The following IARS2 variants were observed in gnomAD, a reference collection of about 807,000 sequenced individuals.
The protein encoded by IARS2 is isoleucyl-tRNA synthetase 2, mitochondrial, also known as isoleucine--tRNA ligase, mitochondrial.
In IARS2, 56 loss-of-function variants were observed where a neutral mutation model predicts 126.3. The observed-to-expected ratio is 0.44, with a 90% CI of 0.36 to 0.55. IARS2 has a LOEUF of 0.55. Among genes scored for constraint, IARS2 ranks in the 20% least tolerant of loss-of-function variants. The pLI is 0.00. For missense variants in IARS2, 1,127 were observed against 1,245.9 expected (o/e 0.90, Z 1.44); for synonymous variants, 407 against 441.1 (o/e 0.92, Z 0.97).
In IARS2 at chr1:220,102,686, G is replaced by A; in HGVS notation, c.860-1G>A. On this transcript the variant is annotated splice_acceptor_variant, in intron 6 of 22. Transcript: ENST00000366922. LOFTEE classifies it high-confidence loss of function. Reference sequence around the variant, plus strand: ...ACATATTTACAATTGTATTTTCACAGATGGTTCATCTCCTGTTAGTATTTT... The same window carrying A: ...ACATATTTACAATTGTATTTTCACAAATGGTTCATCTCCTGTTAGTATTTT... The A allele has an allele frequency of 6.2e-7, 1 of 1,609,226 alleles. No homozygotes were observed. The highest frequency in any genetic ancestry group is 8.5e-7 in the Non-Finnish European group (1 of 1,175,586).
rs201605615 is a variant in IARS2, at chr1:220,141,772, G to A, written c.2415-31G>A. ...AGGTGACCATAATGTATAAAGTATT[G>A]TCAACTGCTGAATAAGTTGTTCTTG... is the stretch of plus-strand genomic sequence containing the variant. On this transcript the variant is annotated intron_variant, in intron 19 of 22. Coordinates refer to ENST00000366922, the MANE Select transcript of IARS2 (RefSeq NM_018060.4). 6.8e-5 allele frequency: 109 copies of A among 1,610,406 alleles called. No individual in the cohort carries two copies. In the African/African-American group the frequency reaches 1.2e-3, roughly 18 times the overall value.
intron 21 of IARS2, among the ~76,000 whole-genome samples, chr1:220,145,127 AC>A (rs1187404265): frequency 1.3e-5 from 2 of 150,792 alleles, no homozygotes; most frequent in African/African-American, 4.9e-5. Context: ...CCTGGGCTTG[AC>A]CTGCAGTTCC....
intron 19 of IARS2, among the ~76,000 whole-genome samples, chr1:220,141,193 A>T (rs1657485855): frequency 6.6e-6 from 1 of 152,254 alleles, no homozygotes; most frequent in African/African-American, 2.4e-5. Context: ...TCAAAAAATC[A>T]TCACTACTAA....
chr1:220,115,242 A>G (rs1266031401), intron 12 of IARS2, among the ~76,000 whole-genome samples: 1 of 152,132 alleles, frequency 6.6e-6, no homozygotes. Flanking sequence ...CTCATTCTTA[A>G]GCTTTATTAA....
In IARS2 at chr1:220,139,068, T is replaced by A; in HGVS notation, c.2236T>A (p.Ser746Thr). 6.2e-7 allele frequency: 1 copy of A among 1,613,114 alleles called. No homozygotes were observed. Among genetic ancestry groups the A allele is most frequent in the Non-Finnish European group, 8.5e-7 (1 of 1,179,122 alleles). ...GGCTGATTTCAACCCAGAAACAGAT[T>A]CCATCCCTGTAAACGATATGTATGT... ...NVADFNPETD[S>T]IPVNDMYVID... The change falls in exon 18 of 23, where the codon TCC becomes ACC. Residue 746 changes from serine (S) to threonine (T), a missense_variant. Ser to Thr is a moderately conservative substitution (Grantham distance 58). Transcript: ENST00000366922.
intron 15 of IARS2, 200 bp downstream of exon 15, chr1:220,134,710 A>C: frequency 2.7e-6 from 1 of 375,822 alleles, no homozygotes. Flanking sequence ...CTCTTTGAAG[A>C]AAAAGTCAGC....
chr1:220,146,032 T>C (rs1014185531), intron 22 of IARS2, among the ~76,000 whole-genome samples: 3 of 152,236 alleles, frequency 2.0e-5, no homozygotes, highest in Admixed American at 6.5e-5. Flanking sequence ...GTATTGATTC[T>C]AAAATTTCCT....
At position 220,131,606 on chromosome 1, in the gene IARS2, C is replaced by A. The variant is rs373079226; in HGVS notation, c.1838-2796C>A. ...ACCTCAGGCGATCTGTCCGCCTAAG[C>A]CTCCCAAAGTGCTGGGATTACAGGC... On this transcript the variant is annotated intron_variant, in intron 14 of 22. Coordinates refer to ENST00000366922, the MANE Select transcript of IARS2 (RefSeq NM_018060.4). Among the ~76,000 whole-genome samples, 96 of 152,190 alleles carry A rather than the reference C, an allele frequency of 6.3e-4. 1 individual carries two copies. The East Asian group carries it at 0.014, about 22-fold the overall frequency.
intron 21 of IARS2, chr1:220,143,381 G>T: frequency 3.6e-6 from 1 of 278,396 alleles, no homozygotes; most frequent in Non-Finnish European, 6.7e-6. Context: ...TAGAAATTAG[G>T]GTTTCCGTCT....
intron 10 of IARS2, 78 bp downstream of exon 10, chr1:220,107,229 C>T (rs1656700101): frequency 1.2e-6 from 1 of 861,412 alleles, no homozygotes; most frequent in Non-Finnish European, 1.9e-6. Flanking sequence ...TATTTTCCCT[C>T]CTTATACTTT....
Position 220,125,237 on chromosome 1 carries a change from C to T in IARS2, c.1641C>T (p.Ser547=), listed in dbSNP as rs1335121057. ...HKTKDEYLIN[S]QTTEHIVKLV... ...TTCTGCCATGTCCCCCCTGAAATAG[C>T]CAAACCACTGAGCATATTGTTAAAC... Residue 547 remains serine, a splice_region_variant and synonymous_variant, in exon 13 of 23, where the codon AGC becomes AGT. Coordinates refer to ENST00000366922, the MANE Select transcript of IARS2 (RefSeq NM_018060.4). The T allele has an allele frequency of 6.3e-7, 1 of 1,599,012 alleles. No individual in the cohort carries two copies. Among genetic ancestry groups the T allele is most frequent in the African/African-American group, 1.3e-5 (1 of 74,794 alleles).
intron 14 of IARS2, among the ~76,000 whole-genome samples, chr1:220,132,369 C>T (rs538984482): frequency 6.6e-6 from 1 of 152,178 alleles, no homozygotes; most frequent in South Asian, 2.1e-4. Flanking sequence ...CCTTACTGTT[C>T]TATTTCTTCC....
In IARS2 at chr1:220,145,755, A is replaced by G. The variant is rs376479413; in HGVS notation, c.2896+102A>G. 26 of 863,716 alleles carry G rather than the reference A, an allele frequency of 3.0e-5. No individual in the cohort carries two copies. In the South Asian group the frequency reaches 5.8e-4, roughly 19 times the overall value. The allele number at this position is 863,716 out of a possible 1,614,324, so 53.5% of individuals were successfully genotyped here. A position where few individuals can be genotyped will look rare whatever the true frequency, so the allele number is the denominator to read the frequency against. On this transcript the variant is annotated intron_variant, in intron 22 of 22. Coordinates refer to ENST00000366922, the MANE Select transcript of IARS2 (RefSeq NM_018060.4). Reference sequence around the variant, plus strand: ...CTGGGTTTATTCTAAAGGTAGATATATACTTGGAATACATCTTTCTATGGA... The same window carrying G: ...CTGGGTTTATTCTAAAGGTAGATATGTACTTGGAATACATCTTTCTATGGA...
intron 14 of IARS2, among the ~76,000 whole-genome samples, chr1:220,131,766 A>G (rs542699586): frequency 2.9e-4 from 44 of 150,370 alleles, no homozygotes; most frequent in Middle Eastern, 3.6e-3. Context: ...GATTACAGGC[A>G]TGAGCCACGA....
At chr1:220,126,390 C>T (rs1377200744) in intron 13 of IARS2, among the ~76,000 whole-genome samples, 5 of 152,146 alleles carry the variant, frequency 3.3e-5, no homozygotes, top group Non-Finnish European at 7.4e-5. Context: ...GTTGACTAAG[C>T]TCATGTAATT....
chr1:220,143,879 A>G (rs958536508), intron 21 of IARS2: 2 of 696,018 alleles, frequency 2.9e-6, no homozygotes, highest in South Asian at 1.8e-5. Flanking sequence ...TCCAGTCTAA[A>G]TGCTTAAGAA....
At chr1:220,139,768 T>C (rs1049263905) in intron 18 of IARS2, among the ~76,000 whole-genome samples, 6 of 152,004 alleles carry the variant, frequency 3.9e-5, no homozygotes, top group Non-Finnish European at 5.9e-5. Context: ...AAAAATTGTG[T>C]TTTCTCATAA....
intron 2 of IARS2, among the ~76,000 whole-genome samples, chr1:220,099,358 T>C (rs1656518372): frequency 6.6e-6 from 1 of 152,092 alleles, no homozygotes; most frequent in Non-Finnish European, 1.5e-5. Context: ...ACTCAACATA[T>C]CTAAAGTATC....
intron 7 of IARS2, 27 bp from the exon 8 acceptor site, chr1:220,103,420 G>C: frequency 8.1e-7 from 1 of 1,240,068 alleles, no homozygotes; most frequent in Non-Finnish European, 1.2e-6. Flanking sequence ...TTCATTATTA[G>C]TAATTTCTCC....
Sources: allele counts gnomAD v4.1 joint callset (sites outside exome capture counted in the v4.1 genomes callset), GRCh38; gene constraint gnomAD v4.1.1; transcripts MANE v1.5; gene names NCBI Gene and HGNC (gene_info 2026-07-23, HGNC 2026-07-21).